SESN3: variants seen among roughly 807,000 people sequenced by gnomAD.
SESN3 encodes the protein sestrin-3.
SESN3 carries 21 observed loss-of-function variants against 55.3 expected under a neutral mutation model. The ratio of observed to expected loss-of-function variants is 0.38; its 90% CI spans 0.27 to 0.55. The LOEUF is 0.55. Ranked by LOEUF, SESN3 falls within the 20% of genes least tolerant of loss-of-function variation. The probability of loss-of-function intolerance (pLI) is 0.76; values close to 1 mark genes in which losing one functional copy is unlikely to be tolerated. For synonymous variants in SESN3, 181 were observed against 203.1 expected (o/e 0.89, Z 0.93); for missense variants, 408 against 604.3 (o/e 0.68, Z 3.41).
intron 6 of SESN3, among the ~76,000 whole-genome samples, chr11:95,183,638 C>T (rs954030361): frequency 5.5e-5 from 8 of 146,010 alleles, no homozygotes; most frequent in East Asian, 2.0e-4. Flanking sequence ...GCCAAGATCA[C>T]GTCACTGAAC....
rs1429507636 is a variant in SESN3, at chr11:95,168,044, T to C, written c.*5211A>G. Reference sequence around the variant, plus strand: ...AGGAAAGCCTGGTTAAACCCTTATGTACCCAATTTTGTGTTATTTTATCTA... The same window carrying C: ...AGGAAAGCCTGGTTAAACCCTTATGCACCCAATTTTGTGTTATTTTATCTA... On this transcript the variant is annotated 3_prime_UTR_variant, in exon 10 of 10. Transcript: ENST00000536441. 1 of 152,214 alleles carries C rather than the reference T, an allele frequency of 6.6e-6. No individual in the cohort carries two copies. Among genetic ancestry groups the C allele is most frequent in the African/African-American group, 2.4e-5 (1 of 41,468 alleles). The allele number at this position is 152,214 out of a possible 1,614,324, so 9.4% of individuals were successfully genotyped here. A position where few individuals can be genotyped will look rare whatever the true frequency, so the allele number is the denominator to read the frequency against.
At chr11:95,224,505 C>A in intron 1 of SESN3, 1 of 428,368 alleles carries the variant, frequency 2.3e-6, no homozygotes, top group Non-Finnish European at 4.6e-6. Flanking sequence ...AAGAAAGACC[C>A]CAATTAATAA....
At chr11:95,179,428 C>T (rs1860021065) in intron 6 of SESN3, among the ~76,000 whole-genome samples, 2 of 151,964 alleles carry the variant, frequency 1.3e-5, no homozygotes, top group Non-Finnish European at 2.9e-5. Context: ...TGCAGCTTAA[C>T]CATTTTTTTG....
intron 1 of SESN3, among the ~76,000 whole-genome samples, chr11:95,200,631 C>T (rs1386747784): frequency 6.6e-6 from 1 of 151,968 alleles, no homozygotes; most frequent in Non-Finnish European, 1.5e-5. Context: ...CAAAATTCTC[C>T]TTCATAATGG....
chr11:95,211,937 A>T (rs1326781622), intron 1 of SESN3, among the ~76,000 whole-genome samples: 6 of 152,236 alleles, frequency 3.9e-5, no homozygotes, highest in African/African-American at 1.4e-4. Context: ...CATTAATTCG[A>T]TATTTTGTTC....
In SESN3 at chr11:95,172,276, C is replaced by G. The variant is rs1017490400; in HGVS notation, c.*979G>C. On this transcript the variant is annotated 3_prime_UTR_variant, in exon 10 of 10. Transcript: ENST00000536441. The stretch of plus-strand genomic sequence containing the variant: ...GTCATGGAAAATAATTTCTAAAAGC[C>G]TAACAGGAAAAATAGGCATATTAAC... The G allele has an allele frequency of 6.6e-6, 1 of 151,950 alleles. No homozygotes were observed. Among genetic ancestry groups the G allele is most frequent in the African/African-American group, 2.4e-5 (1 of 41,382 alleles). 9.4% of individuals were successfully genotyped at this position (151,950 alleles called of 1,614,324 possible).
Position 95,184,719 on chromosome 11 carries a change from G to A in SESN3, c.763-125C>T, listed in dbSNP as rs1010810949. 2.6e-5 allele frequency: 20 copies of A among 762,736 alleles called. No homozygotes were observed. In the Middle Eastern group the frequency reaches 1.1e-3, roughly 41 times the overall value. 47.2% of individuals were successfully genotyped at this position (762,736 alleles called of 1,614,324 possible). A position where few individuals can be genotyped will look rare whatever the true frequency, so the allele number is the denominator to read the frequency against. On this transcript the variant is annotated intron_variant, in intron 5 of 9. Transcript: ENST00000536441. Reference sequence around the variant, plus strand: ...GGCACAGTTATGAAGTTCTTAAGTCGGTTTTTCACCAATTTCAAAGGAAAT... The same window carrying A: ...GGCACAGTTATGAAGTTCTTAAGTCAGTTTTTCACCAATTTCAAAGGAAAT...
At chr11:95,231,397 T>C, upstream of SESN3, 1 of 358,658 alleles carries the variant, frequency 2.8e-6, no homozygotes, top group East Asian at 4.1e-5. Flanking sequence ...GTTAAGTTTA[T>C]CTCCGAGGCT....
At position 95,169,908 on chromosome 11, in the gene SESN3, T is replaced by G. The variant is rs1327219262; in HGVS notation, c.*3347A>C. ...AGCTCTGGTTCAAATTTTATAGGATTCTTATATAAAACTTATATTGAGTTT... is the reference window on the plus strand; with the variant it reads ...AGCTCTGGTTCAAATTTTATAGGATGCTTATATAAAACTTATATTGAGTTT... On this transcript the variant is annotated 3_prime_UTR_variant, in exon 10 of 10. Transcript: ENST00000536441. The G allele has an allele frequency of 4.6e-5, 7 of 152,322 alleles. No homozygotes were observed. The highest frequency in any genetic ancestry group is 4.6e-4 in the Admixed American group (7 of 15,290). 9.4% of individuals were successfully genotyped at this position (152,322 alleles called of 1,614,324 possible).
intron 1 of SESN3, among the ~76,000 whole-genome samples, chr11:95,201,992 C>A (rs558893171): frequency 2.0e-5 from 3 of 152,188 alleles, no homozygotes; most frequent in African/African-American, 7.2e-5. Context: ...GCTATCCATA[C>A]TTCCCTTAAG....
intron 1 of SESN3, among the ~76,000 whole-genome samples, chr11:95,200,113 TTTA>T (rs1292493414): frequency 6.6e-6 from 1 of 152,088 alleles, no homozygotes; most frequent in East Asian, 1.9e-4. Context: ...TGACCCTCCT[TTTA>T]TTGTTATAGA....
Position 95,167,475 on chromosome 11 carries a change from C to CCATATATATATATATAT in SESN3, c.*5779_*5780insATATATATATATATATG, listed in dbSNP as rs563322416. 3.3e-5 allele frequency: 5 copies of CCATATATATATATATAT among 150,942 alleles called. No homozygotes were observed. Among genetic ancestry groups the CCATATATATATATATAT allele is most frequent in the African/African-American group, 1.2e-4 (5 of 40,344 alleles). 9.4% of individuals were successfully genotyped at this position (150,942 alleles called of 1,614,324 possible). ...TCAGATATTCATTCTGTTTCCCCCC[C>CCATATATATATATATAT]ATATATATAATTTTTCATTCTGTAC... On this transcript the variant is annotated 3_prime_UTR_variant, in exon 10 of 10. Transcript: ENST00000536441.
intron 6 of SESN3, chr11:95,182,168 A>G (rs1045536916): frequency 3.1e-6 from 1 of 325,760 alleles, no homozygotes; most frequent in East Asian, 1.2e-4. Flanking sequence ...TTAATATTTC[A>G]AAAGACCTAA....
chr11:95,216,125 A>C (rs1221887248), intron 1 of SESN3, among the ~76,000 whole-genome samples: 2 of 151,182 alleles, frequency 1.3e-5, no homozygotes, highest in African/African-American at 4.9e-5. Context: ...AAAAAAAAAA[A>C]GAAATCCTTT....
At chr11:95,183,027 C>T (rs1479744251) in intron 6 of SESN3, among the ~76,000 whole-genome samples, 1 of 152,110 alleles carries the variant, frequency 6.6e-6, no homozygotes, top group Non-Finnish European at 1.5e-5. Context: ...GGGTTCAGTG[C>T]CCTCTTCTAG....
At chr11:95,192,367 C>G (rs1490793042) in intron 2 of SESN3, among the ~76,000 whole-genome samples, 1 of 152,060 alleles carries the variant, frequency 6.6e-6, no homozygotes, top group Admixed American at 6.6e-5. Flanking sequence ...TAGAAAGACT[C>G]AACCCTGTGG....
Position 95,173,285 on chromosome 11 carries a change from A to G in SESN3, c.1449T>C (p.Ala483=). ...TCAAATGCCGAGTTATGGCACGAAG[A>G]GCATAAAGAAGTTCAGCTTGCATTC... ...EARMQAELLY[A]LRAITRHLT Residue 483 remains alanine, a synonymous_variant, in exon 10 of 10, where the codon GCT becomes GCC. Transcript: ENST00000536441. 1.3e-6 allele frequency: 2 copies of G among 1,589,708 alleles called. No individual in the cohort carries two copies. The highest frequency in any genetic ancestry group is 1.7e-6 in the Non-Finnish European group (2 of 1,160,906).
intron 1 of SESN3, among the ~76,000 whole-genome samples, chr11:95,199,172 G>A (rs954049571): frequency 2.0e-5 from 3 of 151,902 alleles, no homozygotes; most frequent in Admixed American, 1.3e-4. Flanking sequence ...TAACTTTATC[G>A]TGATTTGTTT....
intron 6 of SESN3, among the ~76,000 whole-genome samples, chr11:95,179,593 A>G (rs143917108): frequency 6.6e-6 from 1 of 152,270 alleles, no homozygotes; most frequent in African/African-American, 2.4e-5. Context: ...AATATAGTTT[A>G]TTTTTAGCTT....
Sources: gnomAD v4.1 joint callset for allele counts (sites outside exome capture counted in the v4.1 genomes callset) on GRCh38, gnomAD v4.1.1 for gene constraint, MANE v1.5 for transcripts, NCBI Gene and HGNC (gene_info 2026-07-23, HGNC 2026-07-21) for gene names.